LZTS1: variants seen among roughly 807,000 people sequenced by gnomAD.
LZTS1 encodes leucine zipper tumor suppressor 1, also known as leucine zipper putative tumor suppressor 1.
LZTS1 carries 31 observed loss-of-function variants against 45.8 expected under a neutral mutation model. The ratio of observed to expected loss-of-function variants is 0.68; its 90% CI spans 0.51 to 0.91. The LOEUF is 0.91. Among genes scored for constraint, LZTS1 ranks in the 40% least tolerant of loss-of-function variants. The probability of loss-of-function intolerance (pLI) is 0.00; values close to 1 mark genes in which losing one functional copy is unlikely to be tolerated. For missense variants in LZTS1, 821 were observed against 788.9 expected, an observed-to-expected ratio of 1.04 and a Z score of -0.49; for synonymous variants, 359 against 357.3, an observed-to-expected ratio of 1.00 and a Z score of -0.05.
chr8:20,266,901 A>C (rs1800368780), intron 1 of LZTS1, among the ~76,000 whole-genome samples: 1 of 152,084 alleles, frequency 6.6e-6, no homozygotes, highest in African/African-American at 2.4e-5. Flanking sequence ...AGAGGTCAGG[A>C]GTTCAAGACC....
chr8:20,271,664 C>A (rs1800477270), intron 1 of LZTS1, among the ~76,000 whole-genome samples: 1 of 152,256 alleles, frequency 6.6e-6, no homozygotes. Flanking sequence ...CCAGGAACAA[C>A]CTCCCTGACC....
intron 1 of LZTS1, among the ~76,000 whole-genome samples, chr8:20,282,172 C>G (rs907481015): frequency 6.6e-6 from 1 of 152,190 alleles, no homozygotes; most frequent in Non-Finnish European, 1.5e-5. Flanking sequence ...CTTGGCAATA[C>G]CCTCACTGGC....
Position 20,255,105 on chromosome 8 carries a change from C to T in LZTS1, c.77G>A (p.Arg26His), listed in dbSNP as rs757004740. 15 of 1,614,054 alleles carry T rather than the reference C, an allele frequency of 9.3e-6. No homozygotes were observed. Among genetic ancestry groups the T allele is most frequent in the South Asian group, 8.8e-5 (8 of 91,090 alleles). Residue 26 changes from arginine (R) to histidine (H), a missense_variant, in exon 2 of 4, where the codon CGC becomes CAC. Physicochemically the swap from Arg to His is conservative, Grantham distance 29. Transcript: ENST00000381569. ...GAGCTTCTTGAGGTGGGAGGACTTGCGCAGCTTGTACTGCGAAGCCCGGCA... is the reference window on the plus strand; with the variant it reads ...GAGCTTCTTGAGGTGGGAGGACTTGTGCAGCTTGTACTGCGAAGCCCGGCA... ...KHCRASQYKL[R>H]KSSHLKKLNR...
Position 20,280,241 on chromosome 8 carries a change from A to C in LZTS1, c.-135+23499T>G, listed in dbSNP as rs537145472. Among the ~76,000 whole-genome samples the C allele has an allele frequency of 6.7e-4, 102 of 152,154 alleles. 1 individual carries two copies. The highest frequency in any genetic ancestry group is 2.4e-3 in the African/African-American group (98 of 41,526). The stretch of plus-strand genomic sequence containing the variant: ...TTAGAGTAGCCCACAATAAGGGTGC[A>C]CCCTTCCTTCTGCTTTCATCTGCCC... On this transcript the variant is annotated intron_variant, in intron 1 of 3. Coordinates refer to ENST00000381569, the MANE Select transcript of LZTS1 (RefSeq NM_021020.5).
intron 1 of LZTS1, among the ~76,000 whole-genome samples, chr8:20,263,180 G>T (rs1376195142): frequency 3.3e-5 from 5 of 152,178 alleles, no homozygotes; most frequent in African/African-American, 4.8e-5. Flanking sequence ...GGCCACAGAG[G>T]TCTTAGTGCC....
At chr8:20,300,858 G>T (rs1801063504) in intron 1 of LZTS1, among the ~76,000 whole-genome samples, 1 of 152,124 alleles carries the variant, frequency 6.6e-6, no homozygotes, top group African/African-American at 2.4e-5. Flanking sequence ...GGTGGCTCCT[G>T]CCTGTAATCC....
At chr8:20,254,523 G>A (rs939581315) in intron 2 of LZTS1, among the ~76,000 whole-genome samples, 9 of 152,192 alleles carry the variant, frequency 5.9e-5, no homozygotes, top group Admixed American at 2.0e-4. Context: ...CTTGGCAAAC[G>A]CCTGGATCCT....
intron 1 of LZTS1, among the ~76,000 whole-genome samples, chr8:20,267,257 T>C (rs1800379050): frequency 6.6e-6 from 1 of 152,136 alleles, no homozygotes; most frequent in African/African-American, 2.4e-5. Flanking sequence ...CCTGCTTCTT[T>C]GTCCCCAGGG....
chr8:20,274,277 G>A (rs1800531045), intron 1 of LZTS1, among the ~76,000 whole-genome samples: 1 of 152,190 alleles, frequency 6.6e-6, no homozygotes, highest in African/African-American at 2.4e-5. Context: ...ATAAGCGTGT[G>A]TTTATGCATC....
chr8:20,262,544 G>A (rs1800257599), intron 1 of LZTS1, among the ~76,000 whole-genome samples: 1 of 152,132 alleles, frequency 6.6e-6, no homozygotes, highest in Non-Finnish European at 1.5e-5. Flanking sequence ...GATGACATTC[G>A]AGAAGAGCCA....
chr8:20,259,257 C>A (rs1800174099), intron 1 of LZTS1, among the ~76,000 whole-genome samples: 1 of 152,086 alleles, frequency 6.6e-6, no homozygotes, highest in Non-Finnish European at 1.5e-5. Context: ...TAAATAGGAA[C>A]ATTAGGGAGC....
In LZTS1 at chr8:20,303,821, G is replaced by C; in HGVS notation, c.-216C>G. 1 of 984,778 alleles carries C rather than the reference G, an allele frequency of 1.0e-6. No individual in the cohort carries two copies. 61.0% of individuals were successfully genotyped at this position (984,778 alleles called of 1,614,324 possible). On this transcript the variant is annotated 5_prime_UTR_variant, in exon 1 of 4. Transcript: ENST00000381569. Reference sequence around the variant, plus strand: ...GTGTGTTCCCGTCTCTCTTTTTCCAGAGCTGCTGAGCGGGCCGGGCCGGTC... The same window carrying C: ...GTGTGTTCCCGTCTCTCTTTTTCCACAGCTGCTGAGCGGGCCGGGCCGGTC...
intron 1 of LZTS1, among the ~76,000 whole-genome samples, chr8:20,297,437 CAG>C (rs1341368101): frequency 6.6e-6 from 1 of 151,722 alleles, no homozygotes; most frequent in Non-Finnish European, 1.5e-5. Context: ...GTTTTTGAGA[CAG>C]AGTCTCGCTT....
intron 1 of LZTS1, among the ~76,000 whole-genome samples, chr8:20,274,575 C>T (rs1172077304): frequency 6.6e-6 from 1 of 152,142 alleles, no homozygotes; most frequent in Non-Finnish European, 1.5e-5. Context: ...TGTTAGACCC[C>T]CCTTATGTGG....
intron 1 of LZTS1, among the ~76,000 whole-genome samples, chr8:20,271,882 C>A (rs778459436): frequency 5.9e-5 from 9 of 152,200 alleles, no homozygotes; most frequent in Non-Finnish European, 8.8e-5. Flanking sequence ...AAAGCAGGGC[C>A]GGGGCCTGGC....
intron 1 of LZTS1, among the ~76,000 whole-genome samples, chr8:20,267,666 C>T (rs1343130271): frequency 1.3e-5 from 2 of 152,098 alleles, no homozygotes; most frequent in Admixed American, 6.5e-5. Context: ...CAGGCGCTCA[C>T]GCCACCATGC....
intron 1 of LZTS1, among the ~76,000 whole-genome samples, chr8:20,280,466 T>C (rs953727013): frequency 2.6e-5 from 4 of 152,152 alleles, no homozygotes; most frequent in Middle Eastern, 3.2e-3. Context: ...TGCCCATTCA[T>C]TGACATTCAT....
Position 20,249,929 on chromosome 8 carries a change from C to T in LZTS1, c.1584G>A (p.Glu528=). ...HDQMSSGFQH[E]RLVWKEEKEK... ...CCTTCTCCTCCTTCCACACGAGCCG[C>T]TCATGCTGGAAGCCCGAGGACATCT... Residue 528 remains glutamate, a synonymous_variant, in exon 4 of 4, where the codon GAG becomes GAA. Transcript: ENST00000381569. 1 of 1,614,208 alleles carries T rather than the reference C, an allele frequency of 6.2e-7. No homozygotes were observed. Among genetic ancestry groups the T allele is most frequent in the Non-Finnish European group, 8.5e-7 (1 of 1,180,040 alleles).
At chr8:20,264,016 C>T (rs1800299444) in intron 1 of LZTS1, among the ~76,000 whole-genome samples, 1 of 151,832 alleles carries the variant, frequency 6.6e-6, no homozygotes, top group Non-Finnish European at 1.5e-5. Flanking sequence ...ATTCCTTCTC[C>T]CCACTCCCAC....
Sources: allele counts gnomAD v4.1 joint callset (sites outside exome capture counted in the v4.1 genomes callset), GRCh38; gene constraint gnomAD v4.1.1; transcripts MANE v1.5; gene names NCBI Gene and HGNC (gene_info 2026-07-23, HGNC 2026-07-21).